The following LRRC4C variants were observed in gnomAD, a reference collection of about 807,000 sequenced individuals.
LRRC4C encodes leucine-rich repeat-containing protein 4C.
Under a neutral mutation model 33.6 loss-of-function variants are expected in LRRC4C, and 5 were observed. That is an observed-to-expected ratio of 0.15 (90% confidence interval 0.08 to 0.31). The LOEUF is 0.31. Among genes scored for constraint, LRRC4C ranks in the 10% least tolerant of loss-of-function variants. The pLI is 1.00. For synonymous variants in LRRC4C, 329 were observed against 302.0 expected, an observed-to-expected ratio of 1.09 and a Z score of -0.93; for missense variants, 560 against 796.7, an observed-to-expected ratio of 0.70 and a Z score of 3.58.
chr11:40,757,635 C>T (rs1180876256), intron 2 of LRRC4C, among the ~76,000 whole-genome samples: 2 of 145,890 alleles, frequency 1.4e-5, no homozygotes, highest in Non-Finnish European at 3.0e-5. Context: ...TCTCAGCAAG[C>T]TGTTGTCTTC....
At position 41,345,390 on chromosome 11, in the gene LRRC4C, G is replaced by A. The variant is rs538452351; in HGVS notation, c.-496+114041C>T. On this transcript the variant is annotated intron_variant, in intron 1 of 6. Transcript: ENST00000528697. ...TAAAAAATAAAACAAAATGTATTCC[G>A]CCATGGTCTTTAGGATGCTAATTGA... Among the ~76,000 whole-genome samples the A allele has an allele frequency of 5.3e-5, 8 of 152,156 alleles. No homozygotes were observed. The South Asian group carries it at 6.2e-4, about 12-fold the overall frequency.
At chr11:40,464,684 T>C (rs565219113) in intron 3 of LRRC4C, among the ~76,000 whole-genome samples, 13 of 152,120 alleles carry the variant, frequency 8.5e-5, no homozygotes, top group Admixed American at 7.2e-4. Flanking sequence ...CAGCAATAAC[T>C]ATCAAGCTGA....
intron 2 of LRRC4C, among the ~76,000 whole-genome samples, chr11:40,798,702 A>G (rs1028112521): frequency 1.1e-4 from 16 of 148,410 alleles, no homozygotes; most frequent in Admixed American, 2.7e-4. Flanking sequence ...GGAGTACAAT[A>G]GCACGACCTC....
At chr11:40,564,259 C>A (rs562017505) in intron 3 of LRRC4C, among the ~76,000 whole-genome samples, 1 of 151,982 alleles carries the variant, frequency 6.6e-6, no homozygotes, top group Non-Finnish European at 1.5e-5. Context: ...CAATGCTTGG[C>A]GAAGTGTGAG....
At chr11:40,959,800 C>A (rs1312160308) in intron 1 of LRRC4C, among the ~76,000 whole-genome samples, 1 of 151,666 alleles carries the variant, frequency 6.6e-6, no homozygotes, top group Non-Finnish European at 1.5e-5. Context: ...AGTGATTGCT[C>A]TTTTAATGGC....
intron 5 of LRRC4C, among the ~76,000 whole-genome samples, chr11:40,201,141 G>A (rs1862717541): frequency 6.6e-6 from 1 of 152,152 alleles, no homozygotes; most frequent in Non-Finnish European, 1.5e-5. Flanking sequence ...TATCCATCCT[G>A]CAGGCACGCA....
At chr11:40,398,887 T>A (rs1169917651) in intron 3 of LRRC4C, among the ~76,000 whole-genome samples, 1 of 152,156 alleles carries the variant, frequency 6.6e-6, no homozygotes, top group Admixed American at 6.6e-5. Context: ...GTTGTGATTA[T>A]TTCATTGACG....
At chr11:41,356,472 G>T (rs1952166304) in intron 1 of LRRC4C, among the ~76,000 whole-genome samples, 1 of 152,168 alleles carries the variant, frequency 6.6e-6, no homozygotes, top group Non-Finnish European at 1.5e-5. Context: ...GTGCCATTGT[G>T]TAGGGCAGGA....
intron 2 of LRRC4C, among the ~76,000 whole-genome samples, chr11:40,816,841 T>C (rs1951725120): frequency 6.6e-6 from 1 of 152,106 alleles, no homozygotes; most frequent in African/African-American, 2.4e-5. Context: ...TCCTCAATCT[T>C]TTGCAAAAGA....
chr11:40,499,185 C>A (rs867465967), intron 3 of LRRC4C, among the ~76,000 whole-genome samples: 1 of 152,140 alleles, frequency 6.6e-6, no homozygotes. Flanking sequence ...AAACTATCCA[C>A]ATTTGAAGCT....
At chr11:40,504,998 G>A (rs1954962161) in intron 3 of LRRC4C, among the ~76,000 whole-genome samples, 1 of 152,158 alleles carries the variant, frequency 6.6e-6, no homozygotes, top group African/African-American at 2.4e-5. Flanking sequence ...TCAGGCTCAA[G>A]TCTTCTAGTG....
chr11:40,278,384 A>G (rs994083933), intron 4 of LRRC4C, among the ~76,000 whole-genome samples: 2 of 152,198 alleles, frequency 1.3e-5, no homozygotes, highest in Non-Finnish European at 2.9e-5. Context: ...AAACACATCT[A>G]TGGCCGGGAC....
intron 2 of LRRC4C, among the ~76,000 whole-genome samples, chr11:40,715,104 AATTT>A (rs1287519591): frequency 1.3e-5 from 2 of 152,184 alleles, no homozygotes; most frequent in East Asian, 3.9e-4. Context: ...AAATCCAGAT[AATTT>A]ATTTATCAAA....
At chr11:40,346,773 T>C (rs1291187092) in intron 3 of LRRC4C, among the ~76,000 whole-genome samples, 2 of 152,154 alleles carry the variant, frequency 1.3e-5, no homozygotes, top group African/African-American at 4.8e-5. Flanking sequence ...AGTGACCGAG[T>C]ACATTGTCAA....
intron 2 of LRRC4C, among the ~76,000 whole-genome samples, chr11:40,829,450 T>C (rs567942410): frequency 5.3e-5 from 8 of 152,112 alleles, no homozygotes; most frequent in East Asian, 3.9e-4. Flanking sequence ...GGAATATTAG[T>C]AGTTTCTTTG....
At chr11:40,991,583 T>A (rs1853565651) in intron 1 of LRRC4C, among the ~76,000 whole-genome samples, 1 of 152,218 alleles carries the variant, frequency 6.6e-6, no homozygotes, top group Non-Finnish European at 1.5e-5. Flanking sequence ...AATAATTATA[T>A]AATTCACCAA....
intron 2 of LRRC4C, among the ~76,000 whole-genome samples, chr11:40,721,885 G>A (rs1947037616): frequency 6.6e-6 from 1 of 152,152 alleles, no homozygotes; most frequent in Non-Finnish European, 1.5e-5. Flanking sequence ...AGCTTGCAGT[G>A]AGCCAAGATC....
At chr11:41,080,066 A>G (rs1939450262) in intron 1 of LRRC4C, among the ~76,000 whole-genome samples, 1 of 152,184 alleles carries the variant, frequency 6.6e-6, no homozygotes, top group Non-Finnish European at 1.5e-5. Context: ...TCCAGTTTGT[A>G]GCTATTACTT....
In LRRC4C at chr11:40,114,952, G is replaced by T. The variant is rs1252358370; in HGVS notation, c.1341C>A (p.Thr447=). The change falls in exon 7 of 7, where the codon ACC becomes ACA. Residue 447 remains threonine, a synonymous_variant. Coordinates refer to ENST00000528697, the MANE Select transcript of LRRC4C (RefSeq NM_001258419.2). ...TTGAAAAGTAAGAGAAAGGAGTAGT[G>T]GTTGCTGCAGTAACATTCAGGGTGG... The part of the protein sequence containing the change: ...ASATLNVTAA[T]TTPFSYFSTV... The T allele has an allele frequency of 6.2e-7, 1 of 1,614,032 alleles. No individual in the cohort carries two copies. The highest frequency in any genetic ancestry group is 8.5e-7 in the Non-Finnish European group (1 of 1,180,042).
Sources: allele counts gnomAD v4.1 joint callset (sites outside exome capture counted in the v4.1 genomes callset), GRCh38; gene constraint gnomAD v4.1.1; transcripts MANE v1.5; gene names NCBI Gene and HGNC (gene_info 2026-07-23, HGNC 2026-07-21).